BSPH1: variants seen among roughly 807,000 people sequenced by gnomAD.
BSPH1 encodes binder of sperm protein homolog 1, also known as binder of sperm 1.
Under a neutral mutation model 22.5 loss-of-function variants are expected in BSPH1, and 21 were observed. The ratio of observed to expected loss-of-function variants is 0.93; its 90% CI spans 0.66 to 1.35. The LOEUF is 1.35. BSPH1 is among the 40% of genes most tolerant of loss of function. BSPH1 has a pLI of 0.00. For missense variants in BSPH1, 141 were observed against 154.2 expected (o/e 0.91, Z 0.45); for synonymous variants, 42 against 53.6 (o/e 0.78, Z 0.95).
chr19:47,990,146 C>T (rs1489283336), intron 1 of BSPH1, among the ~76,000 whole-genome samples: 1 of 139,278 alleles, frequency 7.2e-6, no homozygotes, highest in African/African-American at 2.7e-5. Context: ...AAAAAAGAGA[C>T]AATAAGTCCA....
chr19:47,980,945 A>C lies in BSPH1; in HGVS notation c.74-4T>G, dbSNP rs1434033865. 1.4e-6 allele frequency: 2 copies of C among 1,433,240 alleles called. No homozygotes were observed. Among genetic ancestry groups the C allele is most frequent in the African/African-American group, 2.9e-5 (2 of 67,964 alleles). 88.8% of individuals were successfully genotyped at this position (1,433,240 alleles called of 1,614,324 possible). ...CCCACAGTTGATGATAATTCATCTG[A>C]AAAACACAATTTTGAACAAATATTT... On this transcript the variant is annotated splice_polypyrimidine_tract_variant and splice_region_variant and intron_variant, in intron 1 of 5. Transcript: ENST00000344839.
At chr19:47,981,923 T>C (rs1969423870) in intron 1 of BSPH1, 1 of 159,380 alleles carries the variant, frequency 6.3e-6, no homozygotes, top group Non-Finnish European at 1.3e-5. Context: ...CAAAGGCTAT[T>C]TGATTTAAAA....
chr19:47,977,516 A>G lies in BSPH1; in HGVS notation c.125-12T>C. ...GACACACTCCCCATCTAGAGAAAAC[A>G]AAATTCTTCCTCTGTTTCTGGGTGT... is the stretch of plus-strand genomic sequence containing the variant. On this transcript the variant is annotated splice_polypyrimidine_tract_variant and intron_variant, in intron 3 of 5. Transcript: ENST00000344839. 6.4e-7 allele frequency: 1 copy of G among 1,551,276 alleles called. No homozygotes were observed. The highest frequency in any genetic ancestry group is 8.7e-7 in the Non-Finnish European group (1 of 1,146,810).
chr19:47,990,118 C>CA (rs11329791), intron 1 of BSPH1, among the ~76,000 whole-genome samples: 1,807 of 99,202 alleles, frequency 0.018, 40 homozygotes, highest in East Asian at 0.034. Context: ...GACTCCATCT[C>CA]AAAAAAAAAA....
At chr19:47,971,469 G>C (rs547468323) in intron 5 of BSPH1, among the ~76,000 whole-genome samples, 2 of 152,232 alleles carry the variant, frequency 1.3e-5, no homozygotes, top group Non-Finnish European at 2.9e-5. Flanking sequence ...GCCTCCCAAA[G>C]TGCTGGGATG....
chr19:47,971,450 C>T (rs1347460484), intron 5 of BSPH1, among the ~76,000 whole-genome samples: 3 of 152,214 alleles, frequency 2.0e-5, no homozygotes, highest in Non-Finnish European at 4.4e-5. Flanking sequence ...AGGTGATCTG[C>T]CCGCCTCGGC....
chr19:47,980,428 CAAAAGT>C (rs1969407979), intron 2 of BSPH1: 1 of 527,964 alleles, frequency 1.9e-6, no homozygotes, highest in Non-Finnish European at 2.4e-6. Context: ...TTTAATCACC[CAAAAGT>C]AAAATTAACA....
At chr19:47,974,768 G>C (rs914615106) in intron 5 of BSPH1, among the ~76,000 whole-genome samples, 2 of 131,400 alleles carry the variant, frequency 1.5e-5, no homozygotes, top group African/African-American at 6.0e-5. Flanking sequence ...ATAGTTTCCA[G>C]TTTCCTCTAA....
At chr19:47,969,812 G>T (rs911327512) in intron 5 of BSPH1, among the ~76,000 whole-genome samples, 2 of 151,136 alleles carry the variant, frequency 1.3e-5, no homozygotes, top group South Asian at 4.2e-4. Flanking sequence ...GAATTTATTT[G>T]TGTGTGTGTG....
chr19:47,980,959 GAACA>G lies in BSPH1; in HGVS notation c.74-22_74-19del, dbSNP rs1969414586. 7.2e-7 allele frequency: 1 copy of G among 1,381,350 alleles called. No homozygotes were observed. Among genetic ancestry groups the G allele is most frequent in the African/African-American group, 1.5e-5 (1 of 66,862 alleles). 85.6% of individuals were successfully genotyped at this position (1,381,350 alleles called of 1,614,324 possible). ...TAATTCATCTGAAAAACACAATTTT[GAACA>G]AATATTTATGTCACTTTAAAATAAA... On this transcript the variant is annotated intron_variant, in intron 1 of 5. Transcript: ENST00000344839.
intron 1 of BSPH1, among the ~76,000 whole-genome samples, chr19:47,983,509 T>C (rs1969438539): frequency 1.3e-5 from 2 of 152,018 alleles, no homozygotes; most frequent in African/African-American, 4.8e-5. Context: ...TTAGAACAGG[T>C]ATCACCAGGT....
chr19:47,983,006 C>G (rs942722890), intron 1 of BSPH1, among the ~76,000 whole-genome samples: 2 of 152,098 alleles, frequency 1.3e-5, no homozygotes, highest in African/African-American at 2.4e-5. Flanking sequence ...CAGTTTGGGA[C>G]AATGAAAAGG....
intron 1 of BSPH1, among the ~76,000 whole-genome samples, chr19:47,989,108 G>A (rs527741889): frequency 1.1e-4 from 14 of 122,392 alleles, no homozygotes; most frequent in East Asian, 9.2e-4. Flanking sequence ...TCAAGTCACC[G>A]TTTTATTATT....
At chr19:47,985,481 C>A (rs1370498331) in intron 1 of BSPH1, among the ~76,000 whole-genome samples, 1 of 152,108 alleles carries the variant, frequency 6.6e-6, no homozygotes, top group Non-Finnish European at 1.5e-5. Context: ...ACCAGAAAAC[C>A]TGCCTTGAAA....
intron 5 of BSPH1, among the ~76,000 whole-genome samples, chr19:47,973,261 A>AATAATAATAATG (rs1182970596): frequency 1.4e-5 from 2 of 145,904 alleles, no homozygotes; most frequent in Non-Finnish European, 3.0e-5. Flanking sequence ...TAATAATAAT[A>AATAATAATAATG]ATGTAGGCAG....
At chr19:47,973,598 G>T (rs142233727) in intron 5 of BSPH1, among the ~76,000 whole-genome samples, 1 of 152,300 alleles carries the variant, frequency 6.6e-6, no homozygotes, top group East Asian at 1.9e-4. Context: ...ACATTTGAGA[G>T]TTGCTGGTTG....
At chr19:47,986,840 C>G (rs1403466967) in intron 1 of BSPH1, among the ~76,000 whole-genome samples, 1 of 152,186 alleles carries the variant, frequency 6.6e-6, no homozygotes, top group East Asian at 1.9e-4. Context: ...TCTCACAGAT[C>G]TGGAGGCCAG....
Position 47,992,142 on chromosome 19 carries a change from G to C in BSPH1, c.-61C>G. ...CTGGTCTTTGTCAGCCAGGGCTCAAGAATCCCCTGGAGAGGCCCAGGGAGG... is the reference window on the plus strand; with the variant it reads ...CTGGTCTTTGTCAGCCAGGGCTCAACAATCCCCTGGAGAGGCCCAGGGAGG... On this transcript the variant is annotated 5_prime_UTR_variant, in exon 1 of 6. Coordinates refer to ENST00000344839, the MANE Select transcript of BSPH1 (RefSeq NM_001128326.2). 1 of 1,388,220 alleles carries C rather than the reference G, an allele frequency of 7.2e-7. No individual in the cohort carries two copies. Among genetic ancestry groups the C allele is most frequent in the Non-Finnish European group, 1.0e-6 (1 of 999,596 alleles). The allele number at this position is 1,388,220 out of a possible 1,614,324, so 86.0% of individuals were successfully genotyped here. A position where few individuals can be genotyped will look rare whatever the true frequency, so the allele number is the denominator to read the frequency against.
intron 5 of BSPH1, among the ~76,000 whole-genome samples, chr19:47,969,383 T>C (rs1256347428): frequency 6.6e-6 from 1 of 152,166 alleles, no homozygotes; most frequent in Non-Finnish European, 1.5e-5. Context: ...ACAGATCCTT[T>C]ATCCAGTTTG....
Sources: gnomAD v4.1 joint callset for allele counts (sites outside exome capture counted in the v4.1 genomes callset) on GRCh38, gnomAD v4.1.1 for gene constraint, MANE v1.5 for transcripts, NCBI Gene and HGNC (gene_info 2026-07-23, HGNC 2026-07-21) for gene names.